The following GRIN2A variants were observed in gnomAD, a reference collection of about 807,000 sequenced individuals.
GRIN2A encodes the protein glutamate ionotropic receptor NMDA type subunit 2A.
Under a neutral mutation model 113.4 loss-of-function variants are expected in GRIN2A, and 22 were observed. The observed-to-expected ratio is 0.19, with a 90% CI of 0.14 to 0.28. GRIN2A has a LOEUF of 0.28. Among genes scored for constraint, GRIN2A ranks in the 10% least tolerant of loss-of-function variants. The probability of loss-of-function intolerance (pLI) is 1.00; values close to 1 mark genes in which losing one functional copy is unlikely to be tolerated. For synonymous variants in GRIN2A, 827 were observed against 738.4 expected, an observed-to-expected ratio of 1.12 and a Z score of -1.94; for missense variants, 1,502 against 1,887.0, an observed-to-expected ratio of 0.80 and a Z score of 3.78.
At chr16:9,884,241 A>C (rs548188056) in intron 4 of GRIN2A, among the ~76,000 whole-genome samples, 106 of 152,318 alleles carry the variant, frequency 7.0e-4, no homozygotes, top group African/African-American at 2.4e-3. Context: ...AAACACACAT[A>C]TATTTTCATT....
At chr16:9,809,459 T>C (rs1200401988) in intron 10 of GRIN2A, among the ~76,000 whole-genome samples, 2 of 151,562 alleles carry the variant, frequency 1.3e-5, no homozygotes, top group African/African-American at 2.4e-5. Context: ...CAAATGCATA[T>C]AATAAAAGTC....
chr16:9,768,699 G>A, intron 12 of GRIN2A, 152 bp downstream of exon 12: 1 of 753,658 alleles, frequency 1.3e-6, no homozygotes, highest in East Asian at 2.4e-5. Flanking sequence ...GCAACACCTG[G>A]CTTATGAATG....
intron 3 of GRIN2A, among the ~76,000 whole-genome samples, chr16:9,901,681 C>T (rs2043927795): frequency 1.3e-5 from 2 of 152,250 alleles, no homozygotes; most frequent in Non-Finnish European, 1.5e-5. Context: ...AAACTCCTGA[C>T]CTCAAATGCT....
At position 9,848,635 on chromosome 16, in the gene GRIN2A, CAT is replaced by C. The variant is rs572708533; in HGVS notation, c.1328+1119_1328+1120del. 1.1e-3 allele frequency among the ~76,000 whole-genome samples: 154 copies of C among 144,940 alleles called. 1 individual carries two copies. The highest frequency in any genetic ancestry group is 3.8e-3 in the Middle Eastern group (1 of 260). On this transcript the variant is annotated intron_variant, in intron 5 of 12. Transcript: ENST00000330684. Reference sequence around the variant, plus strand: ...CTTTTATATTTTTAATATATAAAAACATATGGTGTTTTATATATTTAATACAT... The same window carrying C: ...CTTTTATATTTTTAATATATAAAAACATGGTGTTTTATATATTTAATACAT...
chr16:9,914,904 GCTTTTTTTTTTTTTTTTTTTTT>G (rs2044213363), intron 3 of GRIN2A, among the ~76,000 whole-genome samples: 3 of 48,692 alleles, frequency 6.2e-5, no homozygotes, highest in African/African-American at 2.1e-4. Flanking sequence ...TGATTATGCA[GCTTTTTTTTTTTTTTTTTTTTT>G]TTTTTTTTTT....
At chr16:10,055,474 A>G (rs991241244) in intron 2 of GRIN2A, among the ~76,000 whole-genome samples, 3 of 152,240 alleles carry the variant, frequency 2.0e-5, no homozygotes, top group Non-Finnish European at 4.4e-5. Flanking sequence ...AAACACAATA[A>G]TAGGATGACT....
At chr16:10,113,173 C>T (rs1375894510) in intron 2 of GRIN2A, among the ~76,000 whole-genome samples, 1 of 152,066 alleles carries the variant, frequency 6.6e-6, no homozygotes, top group Non-Finnish European at 1.5e-5. Context: ...CAGCATGCTC[C>T]AGCATGGCCC....
At chr16:10,115,809 T>C (rs1185825183) in intron 2 of GRIN2A, among the ~76,000 whole-genome samples, 2 of 152,004 alleles carry the variant, frequency 1.3e-5, no homozygotes, top group African/African-American at 2.4e-5. Flanking sequence ...GGAGCATAAT[T>C]ACTCAGGACT....
At chr16:10,107,988 C>G (rs2048530562) in intron 2 of GRIN2A, among the ~76,000 whole-genome samples, 1 of 152,166 alleles carries the variant, frequency 6.6e-6, no homozygotes, top group African/African-American at 2.4e-5. Flanking sequence ...ATGCAAAAGG[C>G]CAACCCTGGG....
At chr16:9,983,262 C>T (rs1007311440) in intron 2 of GRIN2A, among the ~76,000 whole-genome samples, 1 of 152,124 alleles carries the variant, frequency 6.6e-6, no homozygotes, top group South Asian at 2.1e-4. Flanking sequence ...GTGGCTACAC[C>T]CTTCCTGGCC....
Position 9,762,963 on chromosome 16 carries a change from C to A in GRIN2A, c.*186G>T. The A allele has an allele frequency of 1.5e-6, 1 of 650,464 alleles. No individual in the cohort carries two copies. The highest frequency in any genetic ancestry group is 2.7e-6 in the Non-Finnish European group (1 of 374,518). 40.3% of individuals were successfully genotyped at this position (650,464 alleles called of 1,614,324 possible). A position where few individuals can be genotyped will look rare whatever the true frequency, so the allele number is the denominator to read the frequency against. On this transcript the variant is annotated 3_prime_UTR_variant, in exon 13 of 13. Coordinates refer to ENST00000330684, the MANE Select transcript of GRIN2A (RefSeq NM_001134407.3). The stretch of plus-strand genomic sequence containing the variant: ...TCTGCCATGCTCAGCACACACCTCA[C>A]AAGATTCCTTGAGTGGAAGATTATG...
intron 2 of GRIN2A, among the ~76,000 whole-genome samples, chr16:10,015,265 AAAAAAAG>A (rs1420807357): frequency 5.2e-5 from 7 of 133,722 alleles, no homozygotes; most frequent in Non-Finnish European, 1.1e-4. Flanking sequence ...AAAAAAAAAA[AAAAAAAG>A]AAAAAAAAAA....
rs749919548 is a variant in GRIN2A at position 9,763,521 on chromosome 16, G to C, written c.4023C>G (p.Ser1341Arg). The C allele has an allele frequency of 2.5e-6, 4 of 1,614,100 alleles. No individual in the cohort carries two copies. In the Admixed American group the frequency reaches 5.0e-5, roughly 20 times the overall value. The part of the protein sequence containing the change: ...VPSSKLSGKK[S>R]SLFPQGLEDS... ...CCTCCAGACCTTGGGGGAAAAGGGAGCTTTTTTTCCCCGAGAGTTTGCTTG... is the reference window on the plus strand; with the variant it reads ...CCTCCAGACCTTGGGGGAAAAGGGACCTTTTTTTCCCCGAGAGTTTGCTTG... Residue 1341 changes from serine to arginine, a missense_variant, in exon 13 of 13, where the codon AGC (serine) becomes AGG (arginine). Physicochemically the swap from Ser to Arg is moderately radical, Grantham distance 110. This residue lies in a region of GRIN2A where 832 missense variants were observed against 789.7 expected (regional missense o/e 1.05). Transcript: ENST00000330684.
rs533787631 is a variant in GRIN2A, at chr16:9,999,769, C to T, written c.415-61218G>A. ...AAAAAGAAAAGAATCAAGCAAGATA[C>T]GGAGGCTAATCACTGATCACAGGCT... On this transcript the variant is annotated intron_variant, in intron 2 of 12. Transcript: ENST00000330684. Among the ~76,000 whole-genome samples, 9 of 152,178 alleles carry T rather than the reference C, an allele frequency of 5.9e-5. No individual in the cohort carries two copies. The South Asian group carries it at 8.3e-4, about 14-fold the overall frequency.
At chr16:9,805,140 C>T (rs2041941648) in intron 10 of GRIN2A, among the ~76,000 whole-genome samples, 1 of 152,112 alleles carries the variant, frequency 6.6e-6, no homozygotes, top group African/African-American at 2.4e-5. Flanking sequence ...CTAATTGTCC[C>T]TACCCTGGGG....
intron 2 of GRIN2A, among the ~76,000 whole-genome samples, chr16:9,988,280 T>TGC (rs1491454589): frequency 1.2e-3 from 162 of 130,104 alleles, no homozygotes; most frequent in Admixed American, 3.6e-3. Flanking sequence ...TGTGTGTGTG[T>TGC]GTGCGTGTGT....
intron 2 of GRIN2A, among the ~76,000 whole-genome samples, chr16:10,098,939 C>A (rs550485339): frequency 1.3e-4 from 17 of 126,742 alleles, no homozygotes; most frequent in Admixed American, 8.2e-4. Flanking sequence ...CCCCTCCCCC[C>A]CCCAAAAAAA....
chr16:10,033,859 G>C (rs746070802), intron 2 of GRIN2A: 1 of 152,504 alleles, frequency 6.6e-6, no homozygotes, highest in Non-Finnish European at 1.5e-5. Flanking sequence ...CGTCACAAGA[G>C]GTAAGTTCCC....
In GRIN2A at chr16:9,760,839, C is replaced by T. The variant is rs866659352; in HGVS notation, c.*2310G>A. 1 of 231,608 alleles carries T rather than the reference C, an allele frequency of 4.3e-6. No individual in the cohort carries two copies. The allele number at this position is 231,608 out of a possible 1,614,324, so 14.3% of individuals were successfully genotyped here. A position where few individuals can be genotyped will look rare whatever the true frequency, so the allele number is the denominator to read the frequency against. ...AGACTCATGAGGAAATGGAGGCGATCCTTGCTGGGGTGGATTAAGGTCTGG... is the reference window on the plus strand; with the variant it reads ...AGACTCATGAGGAAATGGAGGCGATTCTTGCTGGGGTGGATTAAGGTCTGG... On this transcript the variant is annotated 3_prime_UTR_variant, in exon 13 of 13. Transcript: ENST00000330684.
Sources: gnomAD v4.1 joint callset for allele counts (sites outside exome capture counted in the v4.1 genomes callset) on GRCh38, gnomAD v4.1.1 for gene constraint, gnomAD v4.1.1 regional missense constraint, MANE v1.5 for transcripts, NCBI Gene and HGNC (gene_info 2026-07-23, HGNC 2026-07-21) for gene names.